Variants in TTYH2 observed in about 807,000 individuals in gnomAD.
The protein encoded by TTYH2 is tweety family member 2.
Under a neutral mutation model 68.3 loss-of-function variants are expected in TTYH2, and 49 were observed. The ratio of observed to expected loss-of-function variants is 0.72; its 90% CI spans 0.57 to 0.91. The LOEUF (loss-of-function observed/expected upper bound fraction) is 0.91, where lower values mean the gene tolerates loss of function less well. Ranked by LOEUF, TTYH2 falls within the 40% of genes least tolerant of loss-of-function variation. TTYH2 has a pLI of 0.00. For missense variants in TTYH2, 631 were observed against 700.4 expected, an observed-to-expected ratio of 0.90 and a Z score of 1.12; for synonymous variants, 272 against 300.8, an observed-to-expected ratio of 0.90 and a Z score of 0.99.
intron 5 of TTYH2, 114 bp from the exon 6 acceptor site, chr17:74,243,863 G>T: frequency 1.0e-6 from 1 of 980,364 alleles, no homozygotes; most frequent in Non-Finnish European, 1.5e-6. Context: ...CGTCAGGGCA[G>T]GGACTGAGGC....
chr17:74,240,028 T>A (rs989231748), intron 4 of TTYH2, among the ~76,000 whole-genome samples: 12 of 152,220 alleles, frequency 7.9e-5, no homozygotes, highest in Admixed American at 3.9e-4. Context: ...AAAGGCGGCT[T>A]ATTGTTAAGG....
rs578195515 is a variant in TTYH2 at position 74,235,291 on chromosome 17, C to T, written c.415-2003C>T. On this transcript the variant is annotated intron_variant, in intron 3 of 13. Transcript: ENST00000269346. ...TTGCTGATCTCACTGTGGGAAGTTT[C>T]TGCCTCTTCTTCTGTGTCGTTTTTA... Among the ~76,000 whole-genome samples, 9 of 152,276 alleles carry T rather than the reference C, an allele frequency of 5.9e-5. No homozygotes were observed. In the South Asian group the frequency reaches 1.9e-3, roughly 32 times the overall value.
At chr17:74,244,351 G>T (rs1181465021) in intron 6 of TTYH2, among the ~76,000 whole-genome samples, 1 of 152,224 alleles carries the variant, frequency 6.6e-6, no homozygotes. Flanking sequence ...GCTTAGGCGT[G>T]CCTGGGTGAC....
chr17:74,253,022 G>T lies in TTYH2; in HGVS notation c.1260-59G>T, dbSNP rs2050651487. On this transcript the variant is annotated intron_variant, in intron 11 of 13. Transcript: ENST00000269346. Reference sequence around the variant, plus strand: ...AAGGCAGGGAAGTAGGACAGGACCTGGCTGCCTCGGAGCCTCCTTCACCCT... The same window carrying T: ...AAGGCAGGGAAGTAGGACAGGACCTTGCTGCCTCGGAGCCTCCTTCACCCT... 1.9e-6 allele frequency: 3 copies of T among 1,577,860 alleles called. No homozygotes were observed. In the South Asian group the frequency reaches 3.4e-5, roughly 18 times the overall value.
In TTYH2 at chr17:74,215,846, C is replaced by A; in HGVS notation, c.129+2130C>A. The A allele has an allele frequency of 1.1e-6, 1 of 891,256 alleles. No individual in the cohort carries two copies. The highest frequency in any genetic ancestry group is 1.7e-6 in the Non-Finnish European group (1 of 576,026). 55.2% of individuals were successfully genotyped at this position (891,256 alleles called of 1,614,324 possible). A position where few individuals can be genotyped will look rare whatever the true frequency, so the allele number is the denominator to read the frequency against. On this transcript the variant is annotated intron_variant, in intron 1 of 13. Coordinates refer to ENST00000269346, the MANE Select transcript of TTYH2 (RefSeq NM_032646.6). The surrounding 1 kb of genome is among the most constrained non-coding windows in gnomAD (Gnocchi z 4.3). The stretch of plus-strand genomic sequence containing the variant: ...AGCTTGACTGGAGCAAGTGCTATGC[C>A]AGGCGTGGGGTGACCGTGGTAACCA...
intron 3 of TTYH2, among the ~76,000 whole-genome samples, chr17:74,233,772 G>A (rs949332734): frequency 7.2e-5 from 11 of 152,108 alleles, no homozygotes; most frequent in Non-Finnish European, 2.9e-5. Context: ...AGGGCTGCAC[G>A]CCCCAGTCTA....
At chr17:74,228,529 T>A (rs1285596935) in intron 2 of TTYH2, among the ~76,000 whole-genome samples, 1 of 152,244 alleles carries the variant, frequency 6.6e-6, no homozygotes, top group Non-Finnish European at 1.5e-5. Flanking sequence ...CATGCTGGAA[T>A]GTTGGACTAA....
At position 74,215,712 on chromosome 17, in the gene TTYH2, G is replaced by C; in HGVS notation, c.129+1996G>C. The C allele has an allele frequency of 6.5e-7, 1 of 1,535,652 alleles. No individual in the cohort carries two copies. The highest frequency in any genetic ancestry group is 8.7e-7 in the Non-Finnish European group (1 of 1,146,870). ...GTTATTTAAGGTGGCTCCTGTTTTT[G>C]GTAAGTTCCCCTGTTGTGACCACAG... On this transcript the variant is annotated intron_variant, in intron 1 of 13. Transcript: ENST00000269346. The surrounding 1 kb of genome is among the most constrained non-coding windows in gnomAD (Gnocchi z 4.3).
chr17:74,223,298 G>T (rs57662551), intron 2 of TTYH2, among the ~76,000 whole-genome samples: 170 of 142,942 alleles, frequency 1.2e-3, no homozygotes, highest in African/African-American at 4.4e-3. Context: ...GGGGCGGGGG[G>T]TGGGCGGGGA....
chr17:74,223,290 GGC>G (rs199674783), intron 2 of TTYH2, among the ~76,000 whole-genome samples: 1,701 of 130,136 alleles, frequency 0.013, 30 homozygotes, highest in African/African-American at 0.05. Flanking sequence ...TTTTTTGGGG[GGC>G]GGGGGGTGGG....
chr17:74,218,092 G>T (rs140970945), intron 1 of TTYH2, among the ~76,000 whole-genome samples: 79 of 151,696 alleles, frequency 5.2e-4, no homozygotes, highest in Admixed American at 9.9e-4. Context: ...GGGACATGCA[G>T]TGTTAATTAG....
chr17:74,235,818 C>T (rs112544689), intron 3 of TTYH2, among the ~76,000 whole-genome samples: 3,561 of 149,666 alleles, frequency 0.024, 151 homozygotes, highest in African/African-American at 0.082. Flanking sequence ...CACTTGAACC[C>T]GGGAGGCGGA....
Position 74,252,330 on chromosome 17 carries a change from A to G in TTYH2, c.1213A>G (p.Thr405Ala). Residue 405 changes from threonine (T) to alanine (A), a missense_variant, in exon 11 of 14, where the codon ACC becomes GCC. Physicochemically the swap from Thr to Ala is moderately conservative, Grantham distance 58 (BLOSUM62 0). Coordinates refer to ENST00000269346, the MANE Select transcript of TTYH2 (RefSeq NM_032646.6). ...FSFLAALAFS[T>A]MICAGPRAWK... The stretch of plus-strand genomic sequence containing the variant: ...CTTCCTGGCCGCCCTCGCCTTCTCC[A>G]CCATGATCTGTGCAGGGCCAAGGGC... The G allele has an allele frequency of 6.2e-7, 1 of 1,613,858 alleles. No homozygotes were observed. The highest frequency in any genetic ancestry group is 8.5e-7 in the Non-Finnish European group (1 of 1,179,996).
Position 74,222,764 on chromosome 17 carries a change from C to T in TTYH2, c.302+107C>T, listed in dbSNP as rs2050290000. The T allele has an allele frequency of 2.4e-5, 31 of 1,308,782 alleles. No homozygotes were observed. Among genetic ancestry groups the T allele is most frequent in the Non-Finnish European group, 3.0e-5 (30 of 985,644 alleles). 81.1% of individuals were successfully genotyped at this position (1,308,782 alleles called of 1,614,324 possible). ...AGCTCCAGCTACCTTGATGGAAAAG[C>T]TTGTCCCCAGATGAATGTTGTCCCT... On this transcript the variant is annotated intron_variant, in intron 2 of 13. Transcript: ENST00000269346. The surrounding 1 kb of genome is among the most constrained non-coding windows in gnomAD (Gnocchi z 5.2).
Position 74,243,363 on chromosome 17 carries a change from CCTCT to C in TTYH2, c.636-10_636-7del, listed in dbSNP as rs1567817539. 1.9e-6 allele frequency: 3 copies of C among 1,612,834 alleles called. No individual in the cohort carries two copies. In the South Asian group the frequency reaches 3.3e-5, roughly 18 times the overall value. On this transcript the variant is annotated splice_polypyrimidine_tract_variant and splice_region_variant and intron_variant, in intron 4 of 13. Coordinates refer to ENST00000269346, the MANE Select transcript of TTYH2 (RefSeq NM_032646.6). ...CCTGCTGCTCCTGACCATCCCTGCC[CCTCT>C]ACCCAGGTGGCTCTCCTACCTCCTG... is the stretch of plus-strand genomic sequence containing the variant.
rs764282544 is a variant in TTYH2, at chr17:74,249,339, T to C, written c.875-5T>C. On this transcript the variant is annotated splice_polypyrimidine_tract_variant and splice_region_variant and intron_variant, in intron 7 of 13. Coordinates refer to ENST00000269346, the MANE Select transcript of TTYH2 (RefSeq NM_032646.6). ...GCTGCCTAACGTTATGCCGTTGCCC[T>C]GCAGAGGTGACTCGCTACTACCTGT... 7 of 1,614,108 alleles carry C rather than the reference T, an allele frequency of 4.3e-6. No homozygotes were observed. Among genetic ancestry groups the C allele is most frequent in the Non-Finnish European group, 5.9e-6 (7 of 1,180,004 alleles).
intron 13 of TTYH2, among the ~76,000 whole-genome samples, chr17:74,254,707 G>T (rs1366912592): frequency 6.6e-6 from 1 of 152,258 alleles, no homozygotes; most frequent in African/African-American, 2.4e-5. Flanking sequence ...TCAAAAGACA[G>T]AAATTATTTA....
rs766651477 is a variant in TTYH2 at position 74,222,400 on chromosome 17, G to A, written c.130-85G>A. On this transcript the variant is annotated intron_variant, in intron 1 of 13. Transcript: ENST00000269346. The surrounding 1 kb of genome is among the most constrained non-coding windows in gnomAD (Gnocchi z 5.2). Reference sequence around the variant, plus strand: ...ACGAGAGATGCAGCTCAGGCAGTGGGGCACTCAGGGCCCAAGGGCAGGGCA... The same window carrying A: ...ACGAGAGATGCAGCTCAGGCAGTGGAGCACTCAGGGCCCAAGGGCAGGGCA... The A allele has an allele frequency of 1.1e-4, 159 of 1,436,970 alleles. No individual in the cohort carries two copies. Among genetic ancestry groups the A allele is most frequent in the Non-Finnish European group, 1.4e-4 (153 of 1,070,784 alleles). 89.0% of individuals were successfully genotyped at this position (1,436,970 alleles called of 1,614,324 possible). A position where few individuals can be genotyped will look rare whatever the true frequency, so the allele number is the denominator to read the frequency against.
rs2050233894 is a variant in TTYH2, at chr17:74,217,656, G to T, written c.129+3940G>T. 6.6e-6 allele frequency among the ~76,000 whole-genome samples: 1 copy of T among 152,132 alleles called. No individual in the cohort carries two copies. Among genetic ancestry groups the T allele is most frequent in the South Asian group, 2.1e-4 (1 of 4,826 alleles). On this transcript the variant is annotated intron_variant, in intron 1 of 13. Coordinates refer to ENST00000269346, the MANE Select transcript of TTYH2 (RefSeq NM_032646.6). This position sits in a 1 kb window ranked among gnomAD's most constrained non-coding sequence, Gnocchi z 4.0. ...TGGGAGGGAGACTCTCCCTCTAGGT[G>T]CTCCTAGTTTCCCTCTCCCAGCCTC...
Sources: allele counts gnomAD v4.1 joint callset (sites outside exome capture counted in the v4.1 genomes callset), GRCh38; gene constraint gnomAD v4.1.1; non-coding constraint Gnocchi (gnomAD v3.1); transcripts MANE v1.5; gene names NCBI Gene and HGNC (gene_info 2026-07-23, HGNC 2026-07-21).